ZFAND3: variants seen among roughly 807,000 people sequenced by gnomAD.
The protein encoded by ZFAND3 is zinc finger AN1-type containing 3, also known as AN1-type zinc finger protein 3.
Under a neutral mutation model 29.6 loss-of-function variants are expected in ZFAND3, and 10 were observed. That is an observed-to-expected ratio of 0.34 (90% CI 0.21 to 0.57). The LOEUF is 0.57. ZFAND3 is among the 20% of genes least tolerant of loss of function. The pLI is 0.86. For missense variants in ZFAND3, 230 were observed against 304.5 expected (o/e 0.76, Z 1.82); for synonymous variants, 128 against 112.6 (o/e 1.14, Z -0.87).
At chr6:38,049,038 CTTT>C (rs1763966858) in intron 2 of ZFAND3, among the ~76,000 whole-genome samples, 5 of 152,094 alleles carry the variant, frequency 3.3e-5, no homozygotes, top group Non-Finnish European at 7.4e-5. Context: ...AATCACATGC[CTTT>C]AGGTGAGACT....
rs917597897 is a variant in ZFAND3 at position 37,991,401 on chromosome 6, G to A, written c.112+61402G>A. Among the ~76,000 whole-genome samples the A allele has an allele frequency of 1.6e-4, 25 of 151,626 alleles. 1 individual carries two copies. Reference sequence around the variant, plus strand: ...CTAGTTTCACTCTGTCACCCAGACTGGGGTGCAGTGGTGCAATCTTGGCTC... The same window carrying A: ...CTAGTTTCACTCTGTCACCCAGACTAGGGTGCAGTGGTGCAATCTTGGCTC... On this transcript the variant is annotated intron_variant, in intron 2 of 5. Transcript: ENST00000287218.
chr6:38,073,121 A>G (rs1165902259), intron 3 of ZFAND3, among the ~76,000 whole-genome samples: 1 of 152,238 alleles, frequency 6.6e-6, no homozygotes. Context: ...GCAAAGAGGC[A>G]GAAGAGAAGG....
At chr6:38,100,198 G>A (rs1178037809) in intron 4 of ZFAND3, among the ~76,000 whole-genome samples, 1 of 151,994 alleles carries the variant, frequency 6.6e-6, no homozygotes, top group East Asian at 1.9e-4. Context: ...CAAGTAGCTG[G>A]GACTACAAGC....
intron 2 of ZFAND3, among the ~76,000 whole-genome samples, chr6:37,987,787 C>A (rs975483226): frequency 6.6e-6 from 1 of 152,230 alleles, no homozygotes; most frequent in African/African-American, 2.4e-5. Flanking sequence ...ATTCTCCTCA[C>A]TGGAAAGTGG....
chr6:37,956,617 T>C (rs767723662), intron 2 of ZFAND3, among the ~76,000 whole-genome samples: 10 of 152,256 alleles, frequency 6.6e-5, no homozygotes, highest in Non-Finnish European at 1.2e-4. Context: ...TGAATACTGT[T>C]ATTTGTGATC....
intron 1 of ZFAND3, among the ~76,000 whole-genome samples, chr6:37,904,560 C>T (rs1354105539): frequency 1.3e-5 from 2 of 152,218 alleles, no homozygotes; most frequent in South Asian, 2.1e-4. Context: ...CAGAGGCTGC[C>T]TGGCTGTACA....
chr6:37,829,908 C>G (rs1427787625), intron 1 of ZFAND3, among the ~76,000 whole-genome samples: 1 of 152,158 alleles, frequency 6.6e-6, no homozygotes, highest in Non-Finnish European at 1.5e-5. Flanking sequence ...GAGTACTGCA[C>G]TCTTGTATAG....
At chr6:37,934,988 A>G (rs1033322253) in intron 2 of ZFAND3, among the ~76,000 whole-genome samples, 6 of 152,066 alleles carry the variant, frequency 3.9e-5, no homozygotes, top group Non-Finnish European at 8.8e-5. Flanking sequence ...TCAAATTACA[A>G]TTCAGTACAT....
At chr6:38,051,973 T>G (rs936312796) in intron 2 of ZFAND3, among the ~76,000 whole-genome samples, 8 of 152,204 alleles carry the variant, frequency 5.3e-5, no homozygotes, top group African/African-American at 1.9e-4. Context: ...GAAACAAGCC[T>G]TACTCCAAAT....
At chr6:37,874,036 T>G (rs1014532163) in intron 1 of ZFAND3, among the ~76,000 whole-genome samples, 1 of 152,088 alleles carries the variant, frequency 6.6e-6, no homozygotes, top group Non-Finnish European at 1.5e-5. Flanking sequence ...CAACAGAAAT[T>G]TATTGTCTCA....
At chr6:38,057,592 G>C (rs567261520) in intron 2 of ZFAND3, among the ~76,000 whole-genome samples, 2 of 152,254 alleles carry the variant, frequency 1.3e-5, no homozygotes, top group African/African-American at 2.4e-5. Context: ...TTTACAGAAG[G>C]CCTCAAAAGA....
chr6:37,857,566 G>A (rs1411662820), intron 1 of ZFAND3, among the ~76,000 whole-genome samples: 2 of 152,188 alleles, frequency 1.3e-5, no homozygotes, highest in Non-Finnish European at 2.9e-5. Flanking sequence ...TTGAAATGAT[G>A]TGTGATTTAT....
At chr6:37,870,700 A>G (rs906956752) in intron 1 of ZFAND3, among the ~76,000 whole-genome samples, 6 of 151,792 alleles carry the variant, frequency 4.0e-5, no homozygotes, top group Admixed American at 6.6e-5. Flanking sequence ...TTGTGAATGA[A>G]TGAGACAGGG....
At chr6:38,139,870 G>C (rs1234420771) in intron 5 of ZFAND3, among the ~76,000 whole-genome samples, 2 of 152,222 alleles carry the variant, frequency 1.3e-5, no homozygotes, top group East Asian at 3.8e-4. Flanking sequence ...CCACCTAAAG[G>C]AGGCTATTGC....
At chr6:37,895,459 C>CTTTTTTTTTTTTTT (rs11331881) in intron 1 of ZFAND3, among the ~76,000 whole-genome samples, 51 of 76,762 alleles carry the variant, frequency 6.6e-4, no homozygotes, top group East Asian at 1.3e-3. Context: ...CTCAGAGGTT[C>CTTTTTTTTTTTTTT]TTTTTTTTTT....
At chr6:38,144,172 A>AATTTTTTTTTTT (rs1562015579) in intron 5 of ZFAND3, among the ~76,000 whole-genome samples, 1 of 32,670 alleles carries the variant, frequency 3.1e-5, no homozygotes, top group African/African-American at 1.6e-4. Flanking sequence ...GAAAAATGTG[A>AATTTTTTTTTTT]TATATATATA....
intron 2 of ZFAND3, among the ~76,000 whole-genome samples, chr6:37,933,664 A>G (rs1185853038): frequency 6.6e-6 from 1 of 152,160 alleles, no homozygotes; most frequent in East Asian, 1.9e-4. Flanking sequence ...AGACCTTTGC[A>G]TGTATGTGGA....
At chr6:37,836,738 A>G (rs1172997982) in intron 1 of ZFAND3, among the ~76,000 whole-genome samples, 1 of 152,136 alleles carries the variant, frequency 6.6e-6, no homozygotes, top group South Asian at 2.1e-4. Context: ...TCTTGAATCT[A>G]TATTTTCACT....
chr6:38,100,043 G>A (rs899136568), intron 4 of ZFAND3, among the ~76,000 whole-genome samples: 2 of 151,940 alleles, frequency 1.3e-5, no homozygotes, highest in Admixed American at 1.3e-4. Context: ...GCATCCTGTT[G>A]ATAAACCTAT....
Sources: gnomAD v4.1 joint callset for allele counts (sites outside exome capture counted in the v4.1 genomes callset) on GRCh38, gnomAD v4.1.1 for gene constraint, MANE v1.5 for transcripts, NCBI Gene and HGNC (gene_info 2026-07-23, HGNC 2026-07-21) for gene names.